The following DMXL1 variants were observed in gnomAD, a reference collection of about 807,000 sequenced individuals.
DMXL1 encodes Dmx like 1.
In DMXL1, 99 loss-of-function variants were observed where a neutral mutation model predicts 319.2. The observed-to-expected ratio is 0.31, with a 90% CI of 0.26 to 0.37. DMXL1 has a LOEUF of 0.37. Among genes scored for constraint, DMXL1 ranks in the 10% least tolerant of loss-of-function variants. DMXL1 has a pLI of 1.00. For missense variants in DMXL1, 3,745 were observed against 3,595.6 expected (o/e 1.04, Z -1.06); for synonymous variants, 1,385 against 1,235.2 (o/e 1.12, Z -2.54).
intron 21 of DMXL1, 24 bp downstream of exon 21, chr5:119,165,304 AGGGTGCTTCAATGTG>A: frequency 3.9e-5 from 38 of 965,416 alleles, no homozygotes; most frequent in Non-Finnish European, 5.1e-5. Flanking sequence ...AAAAAAAAAA[AGGGTGCTTCAATGTG>A]AAAACCTGTT....
At chr5:119,103,825 G>A (rs886553237) in intron 3 of DMXL1, among the ~76,000 whole-genome samples, 3 of 152,158 alleles carry the variant, frequency 2.0e-5, no homozygotes, top group Admixed American at 6.5e-5. Flanking sequence ...AGTATGTTAT[G>A]TTAAAATGCC....
At chr5:119,165,348 G>T (rs1484529815) in intron 21 of DMXL1, 68 bp downstream of exon 21, 5 of 804,872 alleles carry the variant, frequency 6.2e-6, no homozygotes, top group African/African-American at 1.7e-5. Context: ...GTAAATGAAT[G>T]AAGTAAGATT....
Position 119,084,128 on chromosome 5 carries a change from C to CCT in DMXL1, c.87+12472_87+12473insCT, listed in dbSNP as rs1554083137. Among the ~76,000 whole-genome samples, 7 of 147,786 alleles carry CCT rather than the reference C, an allele frequency of 4.7e-5. No homozygotes were observed. In the Admixed American group the frequency reaches 4.7e-4, roughly 10 times the overall value. ...TGTTCATGTATTCCCCCCCTCACCC[C>CCT]TTTTTTTTTTAAGACGGAGTCTTGT... On this transcript the variant is annotated intron_variant, in intron 1 of 43. Coordinates refer to ENST00000539542, the MANE Select transcript of DMXL1 (RefSeq NM_001290321.3).
chr5:119,115,279 T>G (rs1760588817), intron 6 of DMXL1, among the ~76,000 whole-genome samples: 2 of 152,364 alleles, frequency 1.3e-5, no homozygotes, highest in South Asian at 4.1e-4. Context: ...TATATTACCT[T>G]TTAGCTGATG....
Position 119,157,607 on chromosome 5 carries a change from G to T in DMXL1, c.4702+5571G>T, listed in dbSNP as rs187488160. 5.3e-5 allele frequency among the ~76,000 whole-genome samples: 8 copies of T among 152,246 alleles called. No individual in the cohort carries two copies. The East Asian group carries it at 1.5e-3, about 29-fold the overall frequency. ...CTTTCCCATTGTGTGTTCCTGGCAC[G>T]TTTGACAAAAATCAATTGAGTATAA... is the stretch of plus-strand genomic sequence containing the variant. On this transcript the variant is annotated intron_variant, in intron 19 of 43. Transcript: ENST00000539542.
intron 1 of DMXL1, among the ~76,000 whole-genome samples, chr5:119,078,943 TA>T (rs1480524771): frequency 1.4e-4 from 21 of 152,242 alleles, no homozygotes; most frequent in Non-Finnish European, 2.6e-4. Context: ...CAGTATCCTT[TA>T]ACTGTCTGGA....
Position 119,116,224 on chromosome 5 carries a change from G to C in DMXL1, c.631G>C (p.Gly211Arg), listed in dbSNP as rs748118635. Reference protein sequence around the residue: ...NWRTAVTSPDGSSEKQSQGEI... With the variant: ...NWRTAVTSPDRSSEKQSQGEI... ...GCGGACAGCTGTTACTTCTCCAGAT[G>C]GAAGTTCAGAAAAACAATCCCAAGG... Residue 211 changes from glycine (G) to arginine (R), a missense_variant, in exon 7 of 44, where the codon GGA becomes CGA. Gly to Arg is a moderately radical substitution (Grantham distance 125, BLOSUM62 -2). Around this residue, in one of 4 missense-constraint regions of DMXL1, gnomAD observed 2,096 missense variants for 1,985.4 expected, o/e 1.06. Coordinates refer to ENST00000539542, the MANE Select transcript of DMXL1 (RefSeq NM_001290321.3). The C allele has an allele frequency of 6.2e-7, 1 of 1,613,880 alleles. No individual in the cohort carries two copies. The highest frequency in any genetic ancestry group is 2.2e-5 in the East Asian group (1 of 44,862).
At chr5:119,154,679 C>T (rs537283961) in intron 19 of DMXL1, 10 of 154,414 alleles carry the variant, frequency 6.5e-5, no homozygotes, top group Admixed American at 2.0e-4. Flanking sequence ...CTACGTCATT[C>T]AGCACTTGCT....
At chr5:119,113,138 A>G (rs1476246472) in intron 5 of DMXL1, among the ~76,000 whole-genome samples, 1 of 152,222 alleles carries the variant, frequency 6.6e-6, no homozygotes, top group Non-Finnish European at 1.5e-5. Flanking sequence ...ATATGTAAAC[A>G]TATACAGTGG....
At chr5:119,197,726 A>C in intron 31 of DMXL1, 29 bp from the exon 32 acceptor site, 7 of 1,605,350 alleles carry the variant, frequency 4.4e-6, no homozygotes, top group Non-Finnish European at 6.0e-6. Flanking sequence ...ACTGCATAAG[A>C]TTAATATGAG....
At chr5:119,117,015 G>GT (rs1327484868) in intron 7 of DMXL1, among the ~76,000 whole-genome samples, 2 of 151,588 alleles carry the variant, frequency 1.3e-5, no homozygotes, top group Non-Finnish European at 2.9e-5. Context: ...ATTTTTGTTT[G>GT]TTTTTTATGT....
chr5:119,101,881 G>C, intron 2 of DMXL1, 54 bp from the exon 3 acceptor site: 1 of 1,205,432 alleles, frequency 8.3e-7, no homozygotes, highest in Non-Finnish European at 1.2e-6. Context: ...TGCTTTTTTT[G>C]ATTCATAAGT....
At chr5:119,095,742 A>G (rs1180075303) in intron 1 of DMXL1, among the ~76,000 whole-genome samples, 2 of 152,252 alleles carry the variant, frequency 1.3e-5, no homozygotes, top group Admixed American at 1.3e-4. Flanking sequence ...AACTTCTCTT[A>G]AAATTAGCCT....
At chr5:119,134,221 CATT>C in intron 12 of DMXL1, 43 bp downstream of exon 12, 2 of 1,605,382 alleles carry the variant, frequency 1.2e-6, no homozygotes, top group Non-Finnish European at 1.7e-6. Flanking sequence ...GATTTGCTGA[CATT>C]ATCATCAAAG....
intron 1 of DMXL1, among the ~76,000 whole-genome samples, chr5:119,079,476 C>G (rs929177290): frequency 6.6e-5 from 10 of 152,220 alleles, no homozygotes; most frequent in Non-Finnish European, 1.0e-4. Flanking sequence ...AAACAGCCAA[C>G]CTGAAAATCC....
At chr5:119,105,128 A>G in intron 3 of DMXL1, 52 bp from the exon 4 acceptor site, 5 of 1,155,592 alleles carry the variant, frequency 4.3e-6, no homozygotes, top group Non-Finnish European at 6.5e-6. Context: ...TACACATTTG[A>G]CAGAGAAAAT....
chr5:119,089,299 T>C lies in DMXL1; in HGVS notation c.88-8680T>C, dbSNP rs1476603608. 6.0e-4 allele frequency among the ~76,000 whole-genome samples: 51 copies of C among 84,704 alleles called. No homozygotes were observed. The South Asian group carries it at 0.014, about 23-fold the overall frequency. 55.6% of individuals were successfully genotyped at this position (84,704 alleles called of 152,430 possible). On this transcript the variant is annotated intron_variant, in intron 1 of 43. Coordinates refer to ENST00000539542, the MANE Select transcript of DMXL1 (RefSeq NM_001290321.3). ...ATACATATATATATATATATTTTTTTTTTTTTTTTTTTTTTTTTTTTTTTG... is the reference window on the plus strand; with the variant it reads ...ATACATATATATATATATATTTTTTCTTTTTTTTTTTTTTTTTTTTTTTTG...
intron 23 of DMXL1, among the ~76,000 whole-genome samples, chr5:119,169,942 A>C (rs555413748): frequency 1.3e-5 from 2 of 152,240 alleles, no homozygotes; most frequent in South Asian, 4.1e-4. Flanking sequence ...AAATTATCCT[A>C]GAATATTACC....
intron 25 of DMXL1, among the ~76,000 whole-genome samples, chr5:119,173,718 G>GTA (rs1232840255): frequency 1.1e-3 from 143 of 126,156 alleles, no homozygotes; most frequent in East Asian, 5.6e-3. Flanking sequence ...ATGTGTGTGT[G>GTA]TATATATATA....
Sources: allele counts gnomAD v4.1 joint callset (sites outside exome capture counted in the v4.1 genomes callset), GRCh38; gene constraint gnomAD v4.1.1; regional missense constraint gnomAD v4.1.1; transcripts MANE v1.5; gene names NCBI Gene and HGNC (gene_info 2026-07-23, HGNC 2026-07-21).